ALDH1A3: variants seen among roughly 807,000 people sequenced by gnomAD.
The protein encoded by ALDH1A3 is aldehyde dehydrogenase 1 family member A3, also known as retinaldehyde dehydrogenase 3.
Under a neutral mutation model 57.5 loss-of-function variants are expected in ALDH1A3, and 28 were observed. That is an observed-to-expected ratio of 0.49 (90% CI 0.36 to 0.67). ALDH1A3 has a LOEUF of 0.67. ALDH1A3 is among the 30% of genes least tolerant of loss of function. The probability of loss-of-function intolerance (pLI) is 0.00; values close to 1 mark genes in which losing one functional copy is unlikely to be tolerated. For synonymous variants in ALDH1A3, 281 were observed against 264.8 expected (o/e 1.06, Z -0.59); for missense variants, 507 against 669.4 (o/e 0.76, Z 2.68).
At position 100,889,335 on chromosome 15, in the gene ALDH1A3, A is replaced by G. The variant is rs1412634710; in HGVS notation, c.345+1623A>G. Among the ~76,000 whole-genome samples the G allele has an allele frequency of 6.6e-6, 1 of 151,988 alleles. No homozygotes were observed. Among genetic ancestry groups the G allele is most frequent in the Admixed American group, 6.5e-5 (1 of 15,268 alleles). ...CAGGGTGGAGGAACTCTCAGGCCGTACTCTTGGGTGCATTTCCCTAAGGGT... is the reference window on the plus strand; with the variant it reads ...CAGGGTGGAGGAACTCTCAGGCCGTGCTCTTGGGTGCATTTCCCTAAGGGT... On this transcript the variant is annotated intron_variant, in intron 3 of 12. Coordinates refer to ENST00000329841, the MANE Select transcript of ALDH1A3 (RefSeq NM_000693.4). This position sits in a 1 kb window ranked among gnomAD's most constrained non-coding sequence, Gnocchi z 5.1.
At chr15:100,895,825 C>T (rs556770290) in intron 6 of ALDH1A3, 108 bp from the exon 7 acceptor site, 32 of 970,344 alleles carry the variant, frequency 3.3e-5, no homozygotes, top group South Asian at 2.9e-4. Flanking sequence ...CAGCCCGGCC[C>T]GGGTTCCCTG....
At position 100,906,388 on chromosome 15, in the gene ALDH1A3, G is replaced by A. The variant is rs1403777536; in HGVS notation, c.1233+701G>A. 6.6e-6 allele frequency among the ~76,000 whole-genome samples: 1 copy of A among 152,158 alleles called. No homozygotes were observed. Among genetic ancestry groups the A allele is most frequent in the Non-Finnish European group, 1.5e-5 (1 of 68,042 alleles). ...ATGAGTCCCTGCCAAGGGCTTTCTGGGGCAGGTATTTCAGAGGCGTCTTCC... is the reference window on the plus strand; with the variant it reads ...ATGAGTCCCTGCCAAGGGCTTTCTGAGGCAGGTATTTCAGAGGCGTCTTCC... On this transcript the variant is annotated intron_variant, in intron 10 of 12. Transcript: ENST00000329841. This position sits in a 1 kb window ranked among gnomAD's most constrained non-coding sequence, Gnocchi z 4.8.
chr15:100,905,955 T>C (rs2041818626), intron 10 of ALDH1A3, among the ~76,000 whole-genome samples: 1 of 152,212 alleles, frequency 6.6e-6, no homozygotes, highest in African/African-American at 2.4e-5. Flanking sequence ...TGGCTCACCC[T>C]CTCTGGGAGC....
chr15:100,902,269 G>A (rs1191344588), intron 9 of ALDH1A3, among the ~76,000 whole-genome samples: 1 of 152,212 alleles, frequency 6.6e-6, no homozygotes, highest in Non-Finnish European at 1.5e-5. Context: ...AGGCAGAATG[G>A]GTGCTGATTT....
At chr15:100,881,530 A>G (rs2041547933) in intron 1 of ALDH1A3, 2 of 152,224 alleles carry the variant, frequency 1.3e-5, no homozygotes, top group South Asian at 2.1e-4. Flanking sequence ...TTTGAGTCCT[A>G]TCAGCAATCT....
Position 100,896,044 on chromosome 15 carries a change from G to A in ALDH1A3, c.778G>A (p.Glu260Lys). ...CAAGATCGCCTTCACCGGCTCCACA[G>A]AGGTAACCCTCCTCACAGGGTGCTG... Reference protein sequence around the residue: ...INKIAFTGSTEVGKLVKEAAS... With the variant: ...INKIAFTGSTKVGKLVKEAAS... Residue 260 changes from glutamate (E) to lysine (K), a missense_variant and splice_region_variant, in exon 7 of 13, where the codon GAG becomes AAG. Around this residue, in one of 2 missense-constraint regions of ALDH1A3, gnomAD observed 432 missense variants for 608.4 expected, o/e 0.71. Transcript: ENST00000329841. The A allele has an allele frequency of 1.2e-6, 2 of 1,606,932 alleles. No individual in the cohort carries two copies. Among genetic ancestry groups the A allele is most frequent in the Non-Finnish European group, 1.7e-6 (2 of 1,176,468 alleles).
chr15:100,907,697 A>G (rs962752031), intron 11 of ALDH1A3, among the ~76,000 whole-genome samples: 2 of 152,192 alleles, frequency 1.3e-5, no homozygotes, highest in Non-Finnish European at 2.9e-5. Context: ...CATATTAAAG[A>G]TTAATGAATT....
In ALDH1A3 at chr15:100,898,417, T is replaced by C. The variant is rs527417230; in HGVS notation, c.883+232T>C. Among the ~76,000 whole-genome samples the C allele has an allele frequency of 1.3e-4, 20 of 152,358 alleles. No homozygotes were observed. The South Asian group carries it at 2.7e-3, about 20-fold the overall frequency. Reference sequence around the variant, plus strand: ...GCTGCCTTCTACTGCCAAAACGATATGGCTTGAGTGGCACCTGAGAGGCTG... The same window carrying C: ...GCTGCCTTCTACTGCCAAAACGATACGGCTTGAGTGGCACCTGAGAGGCTG... On this transcript the variant is annotated intron_variant, in intron 8 of 12. Coordinates refer to ENST00000329841, the MANE Select transcript of ALDH1A3 (RefSeq NM_000693.4).
rs533274359 is a variant in ALDH1A3, at chr15:100,893,831, T to C, written c.538-123T>C. On this transcript the variant is annotated intron_variant, in intron 5 of 12. Transcript: ENST00000329841. This position sits in a 1 kb window ranked among gnomAD's most constrained non-coding sequence, Gnocchi z 4.8. Reference sequence around the variant, plus strand: ...TTCTGATCATTGCACACTCCTATGTTACCCCACATACCCCAAATCCAGACC... The same window carrying C: ...TTCTGATCATTGCACACTCCTATGTCACCCCACATACCCCAAATCCAGACC... 2.6e-4 allele frequency: 357 copies of C among 1,357,458 alleles called. No homozygotes were observed. The highest frequency in any genetic ancestry group is 3.3e-4 in the Non-Finnish European group (331 of 995,858). 84.1% of individuals were successfully genotyped at this position (1,357,458 alleles called of 1,614,324 possible).
Position 100,894,232 on chromosome 15 carries a change from G to C in ALDH1A3, c.666+150G>C. 1.0e-6 allele frequency: 1 copy of C among 982,118 alleles called. No individual in the cohort carries two copies. Among genetic ancestry groups the C allele is most frequent in the South Asian group, 1.6e-5 (1 of 61,888 alleles). 60.8% of individuals were successfully genotyped at this position (982,118 alleles called of 1,614,324 possible). ...CCAGTGTTTTGTTTGGCGACTGCAC[G>C]TTCTTTCTCCTGCTTGTGGCCACTG... On this transcript the variant is annotated intron_variant, in intron 6 of 12. Coordinates refer to ENST00000329841, the MANE Select transcript of ALDH1A3 (RefSeq NM_000693.4). This position sits in a 1 kb window ranked among gnomAD's most constrained non-coding sequence, Gnocchi z 4.5.
At chr15:100,895,169 A>G (rs2041687212) in intron 6 of ALDH1A3, 1 of 152,220 alleles carries the variant, frequency 6.6e-6, no homozygotes, top group African/African-American at 2.4e-5. Context: ...GTCTGATTAA[A>G]AAATGAAAAC....
intron 9 of ALDH1A3, among the ~76,000 whole-genome samples, 169 bp downstream of exon 9, chr15:100,900,928 C>A (rs981845402): frequency 8.5e-5 from 13 of 152,144 alleles, no homozygotes; most frequent in Admixed American, 5.2e-4. Context: ...CCTGTCAGGT[C>A]CCGGGGGCTC....
At position 100,879,974 on chromosome 15, in the gene ALDH1A3, C is replaced by G; in HGVS notation, c.67C>G (p.Pro23Ala). The change falls in exon 1 of 13, where the codon CCC becomes GCC. Residue 23 changes from proline (P) to alanine (A), a missense_variant. Transcript: ENST00000329841. ...CAGGAAGCCGCCGGCCCTGCCGCGC[C>G]CCATCCGCAACCTGGAGGTCAAGTT... ...PDRKPPALPR[P>A]IRNLEVKFTK... is the part of the protein sequence containing the mutation. The G allele has an allele frequency of 6.8e-7, 1 of 1,477,002 alleles. No homozygotes were observed. Among genetic ancestry groups the G allele is most frequent in the Non-Finnish European group, 9.0e-7 (1 of 1,112,590 alleles). The allele number at this position is 1,477,002 out of a possible 1,614,324, so 91.5% of individuals were successfully genotyped here.
intron 12 of ALDH1A3, among the ~76,000 whole-genome samples, chr15:100,910,473 C>T (rs1213612637): frequency 6.6e-6 from 1 of 152,240 alleles, no homozygotes; most frequent in Non-Finnish European, 1.5e-5. Context: ...TGAGCACAGA[C>T]TCTGCAGCAG....
At chr15:100,905,429 G>A in intron 9 of ALDH1A3, 94 bp from the exon 10 acceptor site, 3 of 1,463,686 alleles carry the variant, frequency 2.0e-6, no homozygotes, top group Non-Finnish European at 2.8e-6. Context: ...TGCAGAGGGA[G>A]GATGGCTGAT....
rs774438420 is a variant in ALDH1A3 at position 100,905,621 on chromosome 15, G to C, written c.1167G>C (p.Lys389Asn). ...LECGGSAMED[K>N]GLFIKPTVFS... ...GCGGGGGCTCAGCCATGGAAGACAA[G>C]GGGCTCTTCATCAAACCCACTGTCT... The change falls in exon 10 of 13, where the codon AAG becomes AAC. Residue 389 changes from lysine to asparagine, a missense_variant. Around this residue, in one of 2 missense-constraint regions of ALDH1A3, gnomAD observed 432 missense variants for 608.4 expected, o/e 0.71. Transcript: ENST00000329841. The C allele has an allele frequency of 6.2e-7, 1 of 1,613,086 alleles. No individual in the cohort carries two copies. The highest frequency in any genetic ancestry group is 8.5e-7 in the Non-Finnish European group (1 of 1,179,504).
At chr15:100,904,579 G>A (rs1202672533) in intron 9 of ALDH1A3, among the ~76,000 whole-genome samples, 2 of 152,200 alleles carry the variant, frequency 1.3e-5, no homozygotes, top group Non-Finnish European at 2.9e-5. Context: ...CAGCCAAAGA[G>A]GAGGGAGACC....
intron 12 of ALDH1A3, among the ~76,000 whole-genome samples, chr15:100,909,767 G>A (rs755873378): frequency 6.6e-5 from 10 of 152,174 alleles, no homozygotes; most frequent in Admixed American, 3.9e-4. Context: ...GTTTCCAGCC[G>A]GACACTGTCT....
chr15:100,892,177 T>C lies in ALDH1A3; in HGVS notation c.346-333T>C, dbSNP rs182238279. 775 of 299,728 alleles carry C rather than the reference T, an allele frequency of 2.6e-3. 2 individuals are homozygous for C. Among genetic ancestry groups the C allele is most frequent in the African/African-American group, 0.013 (569 of 43,704 alleles). The allele number at this position is 299,728 out of a possible 1,614,324, so 18.6% of individuals were successfully genotyped here. Reference sequence around the variant, plus strand: ...ACAGCAGAGGCCACTGTGCTACAGATGGAAGATCAGATGCCAGTGTGCGTT... The same window carrying C: ...ACAGCAGAGGCCACTGTGCTACAGACGGAAGATCAGATGCCAGTGTGCGTT... On this transcript the variant is annotated intron_variant, in intron 3 of 12. Transcript: ENST00000329841.
Sources: gnomAD v4.1 joint callset for allele counts (sites outside exome capture counted in the v4.1 genomes callset) on GRCh38, gnomAD v4.1.1 for gene constraint, gnomAD v4.1.1 regional missense constraint, Gnocchi (gnomAD v3.1) non-coding constraint, MANE v1.5 for transcripts, NCBI Gene and HGNC (gene_info 2026-07-23, HGNC 2026-07-21) for gene names.